The following RYK variants were observed in gnomAD, a reference collection of about 807,000 sequenced individuals.
RYK encodes receptor like tyrosine kinase, also known as inactive tyrosine-protein kinase RYK.
Under a neutral mutation model 70.2 loss-of-function variants are expected in RYK, and 21 were observed. The observed-to-expected ratio is 0.30, with a 90% confidence interval of 0.21 to 0.43. The LOEUF is 0.43. Ranked by LOEUF, RYK falls within the 20% of genes least tolerant of loss-of-function variation. The pLI, the probability that RYK is intolerant of heterozygous loss-of-function variation, is 1.00. For synonymous variants in RYK, 267 were observed against 278.0 expected, an observed-to-expected ratio of 0.96 and a Z score of 0.39; for missense variants, 604 against 753.3, an observed-to-expected ratio of 0.80 and a Z score of 2.32.
intron 13 of RYK, 57 bp from the exon 14 acceptor site, chr3:134,159,430 A>G: frequency 6.7e-7 from 1 of 1,492,640 alleles, no homozygotes; most frequent in Non-Finnish European, 9.0e-7. Context: ...TCAGGGGGCT[A>G]GCGCCCACAG....
chr3:134,222,025 T>C (rs150139724), intron 2 of RYK, among the ~76,000 whole-genome samples: 1 of 152,298 alleles, frequency 6.6e-6, no homozygotes, highest in African/African-American at 2.4e-5. Flanking sequence ...GGGAGAACTG[T>C]ATCCATTCTG....
intron 13 of RYK, among the ~76,000 whole-genome samples, chr3:134,160,188 A>G (rs2012408990): frequency 6.6e-6 from 1 of 152,236 alleles, no homozygotes; most frequent in Non-Finnish European, 1.5e-5. Flanking sequence ...GAGTACCTAC[A>G]AATTCAAATC....
At chr3:134,222,173 A>C (rs908946109) in intron 2 of RYK, among the ~76,000 whole-genome samples, 1 of 152,210 alleles carries the variant, frequency 6.6e-6, no homozygotes, top group African/African-American at 2.4e-5. Flanking sequence ...AGAGCCTAAA[A>C]GGATGTTAAG....
Position 134,239,651 on chromosome 3 carries a change from T to C in RYK, c.232+10772A>G, listed in dbSNP as rs2015274485. On this transcript the variant is annotated intron_variant, in intron 1 of 14. Coordinates refer to ENST00000623711, the MANE Select transcript of RYK (RefSeq NM_002958.4). ...GAATTTTTTTGTAAGTATGATTCAC[T>C]TGTTTACTCATTTGTTCCACTTTTA... Among the ~76,000 whole-genome samples the C allele has an allele frequency of 2.6e-5, 4 of 152,172 alleles. No individual in the cohort carries two copies. In the South Asian group the frequency reaches 8.3e-4, roughly 31 times the overall value.
intron 9 of RYK, 22 bp from the exon 10 acceptor site, chr3:134,183,093 T>C (rs2013353041): frequency 2.1e-6 from 3 of 1,431,060 alleles, no homozygotes; most frequent in South Asian, 2.6e-5. Flanking sequence ...GAAAAGAAAA[T>C]GTCTTGAATA....
chr3:134,189,822 G>GTC (rs2013590673), intron 8 of RYK, among the ~76,000 whole-genome samples: 1 of 151,616 alleles, frequency 6.6e-6, no homozygotes, highest in Non-Finnish European at 1.5e-5. Flanking sequence ...GGGTGCTAGG[G>GTC]AAGGAACTAA....
intron 7 of RYK, among the ~76,000 whole-genome samples, chr3:134,193,452 G>T (rs949923027): frequency 1.3e-5 from 2 of 152,130 alleles, no homozygotes; most frequent in African/African-American, 4.8e-5. Flanking sequence ...CAAAGTGGTG[G>T]GATTACTGGC....
In RYK at chr3:134,249,333, C is replaced by T. The variant is rs190895526; in HGVS notation, c.232+1090G>A. ...TGCTTTCAGTAATTCCATTTCTACA[C>T]TGAGTCAATCTCAACACACCTCAAC... On this transcript the variant is annotated intron_variant, in intron 1 of 14. Transcript: ENST00000623711. Among the ~76,000 whole-genome samples the T allele has an allele frequency of 9.7e-4, 148 of 152,232 alleles. 1 individual carries two copies. The highest frequency in any genetic ancestry group is 3.5e-4 in the Non-Finnish European group (24 of 68,006).
At chr3:134,249,958 A>G (rs1349074945) in intron 1 of RYK, among the ~76,000 whole-genome samples, 1 of 126,600 alleles carries the variant, frequency 7.9e-6, no homozygotes, top group African/African-American at 3.7e-5. Context: ...AAGGGTAAGC[A>G]CAGAGCGTGG....
intron 14 of RYK, 90 bp downstream of exon 14, chr3:134,159,145 GCT>G: frequency 2.3e-6 from 3 of 1,289,738 alleles, no homozygotes; most frequent in Admixed American, 1.9e-5. Flanking sequence ...AAAAGGGAAG[GCT>G]CTGTGTGAAT....
At chr3:134,171,630 G>A (rs900651974) in intron 13 of RYK, among the ~76,000 whole-genome samples, 1 of 152,196 alleles carries the variant, frequency 6.6e-6, no homozygotes, top group Non-Finnish European at 1.5e-5. Context: ...GCTTTGAGAG[G>A]TCAAGGCAGG....
intron 7 of RYK, among the ~76,000 whole-genome samples, chr3:134,194,373 T>C (rs934769141): frequency 6.6e-6 from 1 of 152,192 alleles, no homozygotes; most frequent in Non-Finnish European, 1.5e-5. Flanking sequence ...GATCAAATGG[T>C]CCTATCTTTA....
chr3:134,193,421 G>C (rs1464723474), intron 7 of RYK, among the ~76,000 whole-genome samples: 3 of 152,160 alleles, frequency 2.0e-5, no homozygotes, highest in African/African-American at 4.8e-5. Context: ...CTGACCTCAT[G>C]ATCCGCCCGC....
Position 134,159,252 on chromosome 3 carries a change from T to C in RYK, c.1697A>G (p.Asn566Ser), listed in dbSNP as rs369924907. Reference sequence around the variant, plus strand: ...AAAAACTCACAATTCATCAGGACAGTTGATTGGCTGGGCTATTCGGTAACC... The same window carrying C: ...AAAAACTCACAATTCATCAGGACAGCTGATTGGCTGGGCTATTCGGTAACC... ...KDGYRIAQPI[N>S]CPDELFAVMA... Residue 566 changes from asparagine to serine, a missense_variant, in exon 14 of 15, where the codon AAC (asparagine) becomes AGC (serine). Physicochemically the swap from Asn to Ser is conservative, Grantham distance 46. Transcript: ENST00000623711. 1 of 1,613,904 alleles carries C rather than the reference T, an allele frequency of 6.2e-7. No individual in the cohort carries two copies. The highest frequency in any genetic ancestry group is 8.5e-7 in the Non-Finnish European group (1 of 1,179,818).
At chr3:134,184,678 T>C (rs770701254) in intron 9 of RYK, among the ~76,000 whole-genome samples, 36 of 152,000 alleles carry the variant, frequency 2.4e-4, no homozygotes, top group Non-Finnish European at 4.4e-4. Context: ...GGCTGGAGGA[T>C]TGCTGGAGCC....
chr3:134,236,678 C>T (rs1166712820), intron 1 of RYK, among the ~76,000 whole-genome samples: 4 of 152,244 alleles, frequency 2.6e-5, no homozygotes, highest in Non-Finnish European at 5.9e-5. Context: ...AAGATCACCA[C>T]GAAGCTACTT....
At chr3:134,223,893 A>T (rs566277718) in intron 1 of RYK, among the ~76,000 whole-genome samples, 1 of 152,314 alleles carries the variant, frequency 6.6e-6, no homozygotes, top group African/African-American at 2.4e-5. Context: ...ACCTCCTAAG[A>T]ATATAGACCT....
At chr3:134,199,344 G>A (rs545824565) in intron 6 of RYK, among the ~76,000 whole-genome samples, 3 of 152,368 alleles carry the variant, frequency 2.0e-5, no homozygotes, top group Non-Finnish European at 4.4e-5. Context: ...CAGACTGTGT[G>A]AGGATTAACG....
intron 10 of RYK, 116 bp downstream of exon 10, chr3:134,182,886 T>A (rs893435739): frequency 5.6e-6 from 3 of 533,830 alleles, no homozygotes; most frequent in Non-Finnish European, 9.5e-6. Flanking sequence ...GAAAAAAAAA[T>A]TAAGCTATTC....
Sources: gnomAD v4.1 joint callset for allele counts (sites outside exome capture counted in the v4.1 genomes callset) on GRCh38, gnomAD v4.1.1 for gene constraint, MANE v1.5 for transcripts, NCBI Gene and HGNC (gene_info 2026-07-23, HGNC 2026-07-21) for gene names.